The following ABAT variants were observed in gnomAD, a reference collection of about 807,000 sequenced individuals.
The protein encoded by ABAT is 4-aminobutyrate aminotransferase.
A neutral mutation model predicts 64.6 loss-of-function variants in ABAT; 45 were observed. The ratio of observed to expected loss-of-function variants is 0.70; its 90% CI spans 0.55 to 0.89. The LOEUF (loss-of-function observed/expected upper bound fraction) is 0.89, where lower values mean the gene tolerates loss of function less well. ABAT is among the 40% of genes least tolerant of loss of function. The pLI, the probability that ABAT is intolerant of heterozygous loss-of-function variation, is 0.00. For synonymous variants in ABAT, 297 were observed against 250.5 expected (o/e 1.19, Z -1.75); for missense variants, 633 against 658.4 (o/e 0.96, Z 0.42).
At chr16:8,690,078 T>A (rs1352673656) in intron 1 of ABAT, among the ~76,000 whole-genome samples, 4 of 152,114 alleles carry the variant, frequency 2.6e-5, no homozygotes, top group African/African-American at 9.7e-5. Context: ...ACCCCTGGAG[T>A]GACACATCAG....
chr16:8,688,240 A>G (rs1018439192), intron 1 of ABAT, among the ~76,000 whole-genome samples: 7 of 152,140 alleles, frequency 4.6e-5, no homozygotes, highest in African/African-American at 1.7e-4. Flanking sequence ...ACTGGGTACT[A>G]CTTGGACTAT....
intron 1 of ABAT, among the ~76,000 whole-genome samples, chr16:8,706,894 T>G (rs1359473516): frequency 6.6e-6 from 1 of 152,062 alleles, no homozygotes; most frequent in Non-Finnish European, 1.5e-5. Flanking sequence ...AGGTTTTGGC[T>G]AAGGAGGAAT....
chr16:8,776,512 CG>C lies in ABAT; in HGVS notation c.1269+23del. The C allele has an allele frequency of 6.3e-7, 1 of 1,575,648 alleles. No homozygotes were observed. The highest frequency in any genetic ancestry group is 8.6e-7 in the Non-Finnish European group (1 of 1,161,512). ...CCAGGTAACACCCCCTCCCCTGCCC[CG>C]CCCCCACCACCCATGGCTCCCCGCA... On this transcript the variant is annotated intron_variant, in intron 14 of 15. Transcript: ENST00000268251. The surrounding 1 kb of genome is among the most constrained non-coding windows in gnomAD (Gnocchi z 4.4).
intron 1 of ABAT, among the ~76,000 whole-genome samples, chr16:8,675,173 C>G (rs573593863): frequency 5.9e-5 from 9 of 152,004 alleles, no homozygotes; most frequent in East Asian, 5.8e-4. Flanking sequence ...AGCTCTCCCC[C>G]CATCATAAGA....
chr16:8,768,651 T>C (rs955250386), intron 10 of ABAT, among the ~76,000 whole-genome samples, 174 bp from the exon 11 acceptor site: 4 of 152,174 alleles, frequency 2.6e-5, no homozygotes, highest in Admixed American at 2.6e-4. Flanking sequence ...ATACACCTCC[T>C]ATGCACCCAG....
chr16:8,753,616 C>G (rs902017996), intron 5 of ABAT, among the ~76,000 whole-genome samples: 5 of 152,246 alleles, frequency 3.3e-5, no homozygotes, highest in African/African-American at 1.2e-4. Flanking sequence ...GCAGAAAAGT[C>G]ATGAACACAC....
At chr16:8,750,826 G>A (rs770321426) in intron 5 of ABAT, among the ~76,000 whole-genome samples, 4 of 152,084 alleles carry the variant, frequency 2.6e-5, no homozygotes, top group Non-Finnish European at 4.4e-5. Context: ...GGTACCTTGC[G>A]TAGGAATCAT....
chr16:8,722,427 G>C (rs1175540558), intron 1 of ABAT, among the ~76,000 whole-genome samples: 1 of 152,176 alleles, frequency 6.6e-6, no homozygotes, highest in Non-Finnish European at 1.5e-5. Flanking sequence ...TTACAGGCAT[G>C]AGCCACCACA....
At chr16:8,742,117 C>A (rs1284551259) in intron 2 of ABAT, among the ~76,000 whole-genome samples, 1 of 152,200 alleles carries the variant, frequency 6.6e-6, no homozygotes, top group African/African-American at 2.4e-5. Flanking sequence ...GCATTCCTGG[C>A]TTGTGCCCCA....
intron 1 of ABAT, among the ~76,000 whole-genome samples, chr16:8,687,397 A>G (rs545559558): frequency 6.6e-6 from 1 of 152,274 alleles, no homozygotes; most frequent in East Asian, 1.9e-4. Context: ...GTTGTGGCGC[A>G]TGCCTGTAAT....
chr16:8,753,086 C>T (rs986409074), intron 5 of ABAT, among the ~76,000 whole-genome samples: 2 of 148,626 alleles, frequency 1.3e-5, no homozygotes, highest in Non-Finnish European at 3.0e-5. Context: ...GCCTCCCAAG[C>T]TTATTCTTTT....
At chr16:8,691,064 G>A (rs999889452) in intron 1 of ABAT, among the ~76,000 whole-genome samples, 2 of 151,568 alleles carry the variant, frequency 1.3e-5, no homozygotes, top group African/African-American at 4.8e-5. Context: ...AAAAAACCCT[G>A]AAAAATAGAA....
At chr16:8,761,943 T>C (rs552830422) in intron 6 of ABAT, among the ~76,000 whole-genome samples, 2 of 152,218 alleles carry the variant, frequency 1.3e-5, no homozygotes, top group South Asian at 4.2e-4. Flanking sequence ...ATTCCAATTA[T>C]GATTTCTTTT....
At chr16:8,766,063 A>G (rs1244670683) in intron 8 of ABAT, 145 bp from the exon 9 acceptor site, 2 of 752,896 alleles carry the variant, frequency 2.7e-6, no homozygotes, top group Non-Finnish European at 4.7e-6. Context: ...ACGTTTCAGT[A>G]CAGACCTGCA....
At chr16:8,744,799 C>A (rs1596449793) in intron 2 of ABAT, among the ~76,000 whole-genome samples, 1 of 151,874 alleles carries the variant, frequency 6.6e-6, no homozygotes. Flanking sequence ...ACCTGGGAAG[C>A]AGATGTTGCA....
At chr16:8,727,206 C>T (rs1377206896) in intron 1 of ABAT, among the ~76,000 whole-genome samples, 1 of 152,132 alleles carries the variant, frequency 6.6e-6, no homozygotes, top group Non-Finnish European at 1.5e-5. Context: ...GCAACTAGAG[C>T]AGCTGGGCTC....
At chr16:8,735,463 A>C (rs1438860335) in intron 1 of ABAT, among the ~76,000 whole-genome samples, 7 of 152,072 alleles carry the variant, frequency 4.6e-5, no homozygotes, top group African/African-American at 7.2e-5. Flanking sequence ...TGCTGCCCAG[A>C]CTAGTCTGGA....
chr16:8,745,534 T>G (rs2059304071), intron 2 of ABAT, among the ~76,000 whole-genome samples: 1 of 151,844 alleles, frequency 6.6e-6, no homozygotes, highest in African/African-American at 2.4e-5. Context: ...CCGTCTCTAC[T>G]AAAAATACCA....
At chr16:8,714,826 T>C (rs2058166897) in intron 1 of ABAT, 1 of 152,364 alleles carries the variant, frequency 6.6e-6, no homozygotes, top group South Asian at 2.1e-4. Flanking sequence ...GAGTTTCCAG[T>C]TCAAATAGGA....
Sources: allele counts gnomAD v4.1 joint callset (sites outside exome capture counted in the v4.1 genomes callset), GRCh38; gene constraint gnomAD v4.1.1; non-coding constraint Gnocchi (gnomAD v3.1); transcripts MANE v1.5; gene names NCBI Gene and HGNC (gene_info 2026-07-23, HGNC 2026-07-21).